RIMBP2: variants seen among roughly 807,000 people sequenced by gnomAD.
RIMBP2 encodes RIMS binding protein 2.
Under a neutral mutation model 118.6 loss-of-function variants are expected in RIMBP2, and 48 were observed. The observed-to-expected ratio is 0.40, with a 90% confidence interval of 0.32 to 0.51. The LOEUF (loss-of-function observed/expected upper bound fraction) is 0.51. Among genes scored for constraint, RIMBP2 ranks in the 20% least tolerant of loss-of-function variants. The probability of loss-of-function intolerance (pLI) is 0.41; values close to 1 mark genes in which losing one functional copy is unlikely to be tolerated. For missense variants in RIMBP2, 1,551 were observed against 1,768.3 expected (o/e 0.88, Z 2.20); for synonymous variants, 762 against 742.9 (o/e 1.03, Z -0.42).
At chr12:130,716,180 C>T (rs1950316851) in intron 1 of RIMBP2, 42 bp downstream of exon 1, 1 of 152,042 alleles carries the variant, frequency 6.6e-6, no homozygotes, top group Non-Finnish European at 1.5e-5. Flanking sequence ...CGAGGGGAGA[C>T]GGGAAGCTAT....
intron 2 of RIMBP2, among the ~76,000 whole-genome samples, chr12:130,615,079 C>A (rs937101195): frequency 2.0e-5 from 3 of 146,976 alleles, no homozygotes; most frequent in African/African-American, 7.4e-5. Flanking sequence ...TACATATATA[C>A]ACGTGTATGT....
intron 4 of RIMBP2, among the ~76,000 whole-genome samples, chr12:130,481,990 T>G (rs2082057696): frequency 6.9e-6 from 1 of 145,910 alleles, no homozygotes. Context: ...GCAAACCAGC[T>G]GCATACATTG....
Position 130,431,502 on chromosome 12 carries a change from TAAAGA to T in RIMBP2, c.2254-3170_2254-3166del, listed in dbSNP as rs991266759. The T allele has an allele frequency of 3.0e-6, 1 of 336,206 alleles. No individual in the cohort carries two copies. Among genetic ancestry groups the T allele is most frequent in the African/African-American group, 2.1e-5 (1 of 47,890 alleles). 20.8% of individuals were successfully genotyped at this position (336,206 alleles called of 1,614,324 possible). The stretch of plus-strand genomic sequence containing the variant: ...TTGAATCAATATTTAACGTTACTTT[TAAAGA>T]AAATATCTCAACTGTAAATGGAAAA... On this transcript the variant is annotated intron_variant, in intron 14 of 22. Coordinates refer to ENST00000690449, the MANE Select transcript of RIMBP2 (RefSeq NM_001393629.1). This position sits in a 1 kb window ranked among gnomAD's most constrained non-coding sequence, Gnocchi z 4.0.
intron 1 of RIMBP2, chr12:130,668,437 G>A (rs1022486098): frequency 1.1e-4 from 17 of 152,440 alleles, no homozygotes; most frequent in African/African-American, 4.1e-4. Flanking sequence ...ACATCGGGCA[G>A]CCTGCGCGCC....
At chr12:130,659,501 G>A (rs977671297) in intron 1 of RIMBP2, among the ~76,000 whole-genome samples, 4 of 151,476 alleles carry the variant, frequency 2.6e-5, no homozygotes, top group East Asian at 2.0e-4. Flanking sequence ...CCCGGGAGGC[G>A]TATGTTGCAG....
At position 130,523,083 on chromosome 12, in the gene RIMBP2, C is replaced by T. The variant is rs1028723289; in HGVS notation, c.-216-5166G>A. Among the ~76,000 whole-genome samples the T allele has an allele frequency of 6.6e-6, 1 of 151,942 alleles. No homozygotes were observed. The highest frequency in any genetic ancestry group is 1.9e-4 in the East Asian group (1 of 5,164). On this transcript the variant is annotated intron_variant, in intron 2 of 22. Coordinates refer to ENST00000690449, the MANE Select transcript of RIMBP2 (RefSeq NM_001393629.1). The surrounding 1 kb of genome is among the most constrained non-coding windows in gnomAD (Gnocchi z 4.4). ...CTCTGCCTCTCTGTCTCTGTCTCCA[C>T]GTCTCTGTTTCTCTGCTTCTTCTGT...
chr12:130,538,738 G>A (rs1403042467), intron 2 of RIMBP2, among the ~76,000 whole-genome samples: 1 of 152,192 alleles, frequency 6.6e-6, no homozygotes, highest in African/African-American at 2.4e-5. Context: ...GGGCAGCAGA[G>A]AACCAAATAC....
chr12:130,592,472 C>T (rs1030566712), intron 2 of RIMBP2, among the ~76,000 whole-genome samples: 6 of 152,056 alleles, frequency 3.9e-5, no homozygotes, highest in African/African-American at 1.4e-4. Context: ...GGGTGGATTA[C>T]GAGGTCAGGA....
intron 1 of RIMBP2, among the ~76,000 whole-genome samples, chr12:130,634,941 C>A (rs924698168): frequency 6.6e-6 from 1 of 152,056 alleles, no homozygotes; most frequent in Non-Finnish European, 1.5e-5. Flanking sequence ...CCAGTAACAA[C>A]AGAGTCTCCA....
At chr12:130,445,448 C>T (rs1799897341) in intron 9 of RIMBP2, among the ~76,000 whole-genome samples, 179 bp from the exon 10 acceptor site, 1 of 152,194 alleles carries the variant, frequency 6.6e-6, no homozygotes, top group Non-Finnish European at 1.5e-5. Flanking sequence ...CCACTGCCAG[C>T]TCACACACAC....
In RIMBP2 at chr12:130,548,570, G is replaced by C. The variant is rs79072660; in HGVS notation, c.-216-30653C>G. Among the ~76,000 whole-genome samples, 819 of 151,708 alleles carry C rather than the reference G, an allele frequency of 5.4e-3. 7 individuals carry two copies. The highest frequency in any genetic ancestry group is 0.019 in the African/African-American group (783 of 41,368). On this transcript the variant is annotated intron_variant, in intron 2 of 22. Coordinates refer to ENST00000690449, the MANE Select transcript of RIMBP2 (RefSeq NM_001393629.1). ...CCTTGCTGCCTCTTGGACTTTGTGGGTTTTTTTGCTTGTTTGTTTTTGAGA... is the reference window on the plus strand; with the variant it reads ...CCTTGCTGCCTCTTGGACTTTGTGGCTTTTTTTGCTTGTTTGTTTTTGAGA...
intron 2 of RIMBP2, 94 bp from the exon 3 acceptor site, chr12:130,518,011 C>G (rs1300420891): frequency 3.2e-6 from 1 of 312,762 alleles, no homozygotes; most frequent in Non-Finnish European, 4.7e-6. Context: ...GGTAATGAGA[C>G]CCAAGGTTGG....
At chr12:130,672,398 G>A (rs1405570053) in intron 1 of RIMBP2, among the ~76,000 whole-genome samples, 1 of 152,236 alleles carries the variant, frequency 6.6e-6, no homozygotes, top group Non-Finnish European at 1.5e-5. Context: ...CAGCGGTAGG[G>A]TGGATTGAGC....
At chr12:130,500,151 A>G (rs1270592400) in intron 4 of RIMBP2, among the ~76,000 whole-genome samples, 1 of 152,168 alleles carries the variant, frequency 6.6e-6, no homozygotes, top group Non-Finnish European at 1.5e-5. Flanking sequence ...TAATACGGTC[A>G]AAAAGGGCTC....
At chr12:130,507,700 C>A (rs2050501852) in intron 3 of RIMBP2, among the ~76,000 whole-genome samples, 1 of 152,222 alleles carries the variant, frequency 6.6e-6, no homozygotes, top group African/African-American at 2.4e-5. Context: ...CGAAAGAAGT[C>A]ACCATGGTTC....
At chr12:130,465,621 C>CTT in intron 6 of RIMBP2, 1 of 152,214 alleles carries the variant, frequency 6.6e-6, no homozygotes, top group East Asian at 1.9e-4. Flanking sequence ...CTCTGTGCCC[C>CTT]GATTGCCTAA....
chr12:130,565,745 A>G (rs2057172299), intron 2 of RIMBP2, among the ~76,000 whole-genome samples: 1 of 152,062 alleles, frequency 6.6e-6, no homozygotes, highest in African/African-American at 2.4e-5. Flanking sequence ...ATTTATTACC[A>G]TCACATTTGT....
intron 4 of RIMBP2, among the ~76,000 whole-genome samples, chr12:130,500,932 T>C (rs1440391964): frequency 6.6e-6 from 1 of 152,098 alleles, no homozygotes; most frequent in Non-Finnish European, 1.5e-5. Context: ...TGGAACAACA[T>C]GGGTTTCTTG....
intron 1 of RIMBP2, among the ~76,000 whole-genome samples, chr12:130,634,519 C>T (rs1365646133): frequency 6.6e-6 from 1 of 152,152 alleles, no homozygotes; most frequent in South Asian, 2.1e-4. Flanking sequence ...CATCTCACGT[C>T]ACAAGCCACA....
Sources: allele counts gnomAD v4.1 joint callset (sites outside exome capture counted in the v4.1 genomes callset), GRCh38; gene constraint gnomAD v4.1.1; non-coding constraint Gnocchi (gnomAD v3.1); transcripts MANE v1.5; gene names NCBI Gene and HGNC (gene_info 2026-07-23, HGNC 2026-07-21).